Variants in ARSL observed in about 807,000 individuals in gnomAD.
The protein encoded by ARSL is arylsulfatase L, also known as arylsulfatase E (chondrodysplasia punctata 1).
A neutral mutation model predicts 31.1 loss-of-function variants in ARSL; 4 were observed. The observed-to-expected ratio is 0.13, with a 90% CI of 0.06 to 0.29. ARSL has a LOEUF of 0.29. ARSL is among the 10% of genes least tolerant of loss of function. The probability of loss-of-function intolerance (pLI) is 1.00; values close to 1 mark genes in which losing one functional copy is unlikely to be tolerated. For missense variants in ARSL, 312 were observed against 497.8 expected, an observed-to-expected ratio of 0.63 and a Z score of 3.55; for synonymous variants, 198 against 209.9, an observed-to-expected ratio of 0.94 and a Z score of 0.49.
At chrX:2,953,727 A>T (rs921182406) in intron 4 of ARSL, among the ~76,000 whole-genome samples, 10 of 108,662 alleles carry the variant, frequency 9.2e-5, no homozygotes, top group Admixed American at 3.9e-4. Context: ...TAATTTTTAA[A>T]TTTTTTGCAG....
At position 2,960,372 on chromosome X, in the gene ARSL, T is replaced by C. The variant is rs759350704; in HGVS notation, c.23+6A>G. 1.5e-5 allele frequency: 17 copies of C among 1,160,491 alleles called. No individual in the cohort carries two copies. In the South Asian group the frequency reaches 2.5e-4, roughly 17 times the overall value. On this transcript the variant is annotated splice_donor_region_variant and intron_variant, in intron 2 of 10. Coordinates refer to ENST00000381134, the MANE Select transcript of ARSL (RefSeq NM_000047.3). ...CTACTAATGAGTGCATATAATTGTA[T>C]CTTACCAAGAATGGTGCAGATGTAA...
chrX:2,942,914 G>A (rs1036778147), intron 8 of ARSL, 151 bp downstream of exon 8: 5 of 778,037 alleles, frequency 6.4e-6, no homozygotes, highest in South Asian at 2.3e-5. Flanking sequence ...ATTCAAACTG[G>A]AGTATGTCAA....
intron 7 of ARSL, among the ~76,000 whole-genome samples, chrX:2,944,686 G>C (rs1304737539): frequency 2.7e-5 from 3 of 109,669 alleles, no homozygotes; most frequent in African/African-American, 1.0e-4. Context: ...TTTTTTGGGA[G>C]GCAGGGATGT....
chrX:2,946,505 A>ATT (rs139364080), intron 6 of ARSL, among the ~76,000 whole-genome samples: 484 of 45,508 alleles, frequency 0.011, 30 homozygotes, highest in African/African-American at 0.037. Flanking sequence ...GGCCCAGCTA[A>ATT]TTTTTTTTTT....
chrX:2,950,415 C>A (rs2089445612), intron 5 of ARSL, among the ~76,000 whole-genome samples: 1 of 111,631 alleles, frequency 9.0e-6, no homozygotes, highest in South Asian at 3.7e-4. Flanking sequence ...AAAATGAGGT[C>A]ATTAGTTTGG....
intron 8 of ARSL, among the ~76,000 whole-genome samples, chrX:2,939,606 A>G (rs1434072531): frequency 9.0e-6 from 1 of 110,969 alleles, no homozygotes; most frequent in East Asian, 2.8e-4. Context: ...TACTAGACTG[A>G]TGGATCCATC....
chrX:2,935,330 T>C, intron 10 of ARSL, 140 bp from the exon 11 acceptor site: 1 of 535,032 alleles, frequency 1.9e-6, no homozygotes, highest in Non-Finnish European at 3.2e-6. Context: ...ACATGGTACA[T>C]CTTACATGGC....
At chrX:2,956,061 T>C (rs2089520331) in intron 3 of ARSL, among the ~76,000 whole-genome samples, 2 of 111,226 alleles carry the variant, frequency 1.8e-5, no homozygotes, top group South Asian at 7.6e-4. Context: ...AATGAGTAGA[T>C]AGAGTGACTA....
chrX:2,967,744 G>A (rs902967081), upstream of ARSL, among the ~76,000 whole-genome samples: 2 of 111,991 alleles, frequency 1.8e-5, no homozygotes, highest in African/African-American at 6.5e-5. Context: ...CTCCTTTCCC[G>A]CCCTGAGCTT....
chrX:2,962,835 GAT>G (rs199590390), intron 1 of ARSL, among the ~76,000 whole-genome samples: 2,707 of 111,504 alleles, frequency 0.024, 76 homozygotes, highest in African/African-American at 0.083. Flanking sequence ...TGCTCACTGA[GAT>G]AGATGCGTAT....
intron 8 of ARSL, among the ~76,000 whole-genome samples, chrX:2,941,502 G>A (rs1199241037): frequency 1.8e-5 from 2 of 111,337 alleles, no homozygotes; most frequent in African/African-American, 6.5e-5. Flanking sequence ...TGATCCACCC[G>A]CCTTGGCCTC....
In ARSL at chrX:2,949,381, G is replaced by C. The variant is rs755064045; in HGVS notation, c.777C>G (p.His259Gln). The change falls in exon 6 of 11, where the codon CAC becomes CAG. Residue 259 changes from histidine to glutamine, a missense_variant. By Grantham distance (24) the His-to-Gln change is conservative. Transcript: ENST00000381134. The stretch of plus-strand genomic sequence containing the variant: ...AGCACATGGGCTGCTCCGTGATGGT[G>C]TGGTTTCTCATCAGAAAGCAATCGG... The part of the protein sequence containing the change: ...VHADCFLMRN[H>Q]TITEQPMCFQ... The C allele has an allele frequency of 2.6e-5, 31 of 1,209,348 alleles. No individual in the cohort carries two copies. The highest frequency in any genetic ancestry group is 3.1e-5 in the Non-Finnish European group (28 of 895,183).
rs5982928 is a variant in ARSL at position 2,937,134 on chromosome X, G to C, written c.1290-271C>G. On this transcript the variant is annotated intron_variant, in intron 9 of 10. Coordinates refer to ENST00000381134, the MANE Select transcript of ARSL (RefSeq NM_000047.3). The stretch of plus-strand genomic sequence containing the variant: ...ATTGGCCAGGCACAGTGGCTCGTGC[G>C]TGTAATCCCAGCACTTTGGGAGGTC... Among the ~76,000 whole-genome samples, 8,486 of 111,694 alleles carry C rather than the reference G, an allele frequency of 0.076. 712 individuals are homozygous for C. The highest frequency in any genetic ancestry group is 0.24 in the African/African-American group (7,328 of 30,607).
rs1382815184 is a variant in ARSL at position 2,960,093 on chromosome X, C to T, written c.23+285G>A. 6.0e-5 allele frequency among the ~76,000 whole-genome samples: 6 copies of T among 100,177 alleles called. No homozygotes were observed. The South Asian group carries it at 3.0e-3, about 50-fold the overall frequency. The allele number at this position is 100,177 out of a possible 115,157, so 87.0% of individuals were successfully genotyped here. A position where few individuals can be genotyped will look rare whatever the true frequency, so the allele number is the denominator to read the frequency against. On this transcript the variant is annotated intron_variant, in intron 2 of 10. Coordinates refer to ENST00000381134, the MANE Select transcript of ARSL (RefSeq NM_000047.3). The stretch of plus-strand genomic sequence containing the variant: ...GACCATCCTGGCTAACACGGTGAAA[C>T]CCCGTCTCTACTAAAAATACAAAAA...
intron 8 of ARSL, among the ~76,000 whole-genome samples, chrX:2,939,864 C>CTTTTTT (rs35373572): frequency 5.4e-5 from 3 of 55,413 alleles, no homozygotes; most frequent in African/African-American, 6.9e-5. Context: ...ACCCTTCTAC[C>CTTTTTT]TTTTTTTTTT....
chrX:2,953,276 T>G lies in ARSL; in HGVS notation c.308-11A>C. 8.3e-7 allele frequency: 1 copy of G among 1,205,730 alleles called. No individual in the cohort carries two copies. ...TGCTGGAAACCATCCCTTTGAGCAA[T>G]TATTAAGAGAAAGAATTACTGTTCC... On this transcript the variant is annotated splice_polypyrimidine_tract_variant and intron_variant, in intron 4 of 10. Transcript: ENST00000381134.
In ARSL at chrX:2,960,268, CAAAAA is replaced by C. The variant is rs776807952; in HGVS notation, c.23+105_23+109del. The stretch of plus-strand genomic sequence containing the variant: ...TGGGCGACAGAGTGAGACTCCGTCT[CAAAAA>C]AAAAAAAAAAAAAAAAAAAAAGAAG... On this transcript the variant is annotated intron_variant, in intron 2 of 10. Coordinates refer to ENST00000381134, the MANE Select transcript of ARSL (RefSeq NM_000047.3). 3.0e-3 allele frequency: 375 copies of C among 126,906 alleles called. 1 individual carries two copies. The highest frequency in any genetic ancestry group is 4.3e-3 in the East Asian group (33 of 7,661). The allele number at this position is 126,906 out of a possible 1,213,427, so 10.5% of individuals were successfully genotyped here.
At chrX:2,963,063 C>T (rs145597721) in intron 1 of ARSL, among the ~76,000 whole-genome samples, 1,644 of 111,613 alleles carry the variant, frequency 0.015, 25 homozygotes, top group African/African-American at 0.048. Flanking sequence ...TTCTGTCTGT[C>T]GAAGAGAAAA....
At chrX:2,949,795 T>C (rs2089438306) in intron 5 of ARSL, 68 bp from the exon 6 acceptor site, 3 of 1,095,552 alleles carry the variant, frequency 2.7e-6, no homozygotes, top group Non-Finnish European at 3.7e-6. Context: ...ATATTGACTG[T>C]TTGTCACATT....
Sources: gnomAD v4.1 joint callset for allele counts (sites outside exome capture counted in the v4.1 genomes callset) on GRCh38, gnomAD v4.1.1 for gene constraint, MANE v1.5 for transcripts, NCBI Gene and HGNC (gene_info 2026-07-23, HGNC 2026-07-21) for gene names.